The following SCUBE1 variants were observed in gnomAD, a reference collection of about 807,000 sequenced individuals.
SCUBE1 encodes signal peptide, CUB domain and EGF like domain containing 1.
A neutral mutation model predicts 124.4 loss-of-function variants in SCUBE1; 59 were observed. The observed-to-expected ratio is 0.47, with a 90% CI of 0.38 to 0.59. The LOEUF (loss-of-function observed/expected upper bound fraction) is 0.59, where lower values mean the gene tolerates loss of function less well. Among genes scored for constraint, SCUBE1 ranks in the 20% least tolerant of loss-of-function variants. SCUBE1 has a pLI of 0.00. For synonymous variants in SCUBE1, 545 were observed against 550.9 expected (o/e 0.99, Z 0.15); for missense variants, 1,150 against 1,371.2 (o/e 0.84, Z 2.55).
At chr22:43,340,177 G>C (rs1009746385) in intron 1 of SCUBE1, among the ~76,000 whole-genome samples, 3 of 151,570 alleles carry the variant, frequency 2.0e-5, no homozygotes, top group African/African-American at 7.3e-5. Context: ...TGGCTTCCAC[G>C]CCCCCACACC....
rs146662047 is a variant in SCUBE1, at chr22:43,223,119, C to T, written c.1305G>A (p.Pro435=). The change falls in exon 11 of 22, where the codon CCG becomes CCA. Residue 435 remains proline, a synonymous_variant. Coordinates refer to ENST00000360835, the MANE Select transcript of SCUBE1 (RefSeq NM_173050.5). Reference sequence around the variant, plus strand: ...TACCTGGCACGAAGAGTGTGTGAGCCGGGCAGGAAAGGAAGCAGCTCTCCA... The same window carrying T: ...TACCTGGCACGAAGAGTGTGTGAGCTGGGCAGGAAAGGAAGCAGCTCTCCA... ...GGVESCFLSC[P]AHTLFVPDSE... The T allele has an allele frequency of 8.4e-6, 13 of 1,549,108 alleles. No individual in the cohort carries two copies. The highest frequency in any genetic ancestry group is 3.4e-4 in the Middle Eastern group (2 of 5,878).
chr22:43,241,314 G>A (rs1257504878), intron 6 of SCUBE1, among the ~76,000 whole-genome samples: 1 of 151,998 alleles, frequency 6.6e-6, no homozygotes, highest in Non-Finnish European at 1.5e-5. Context: ...GGTCACCACG[G>A]GCTGGGCCCT....
rs755611702 is a variant in SCUBE1 at position 43,218,409 on chromosome 22, C to T, written c.1737G>A (p.Gln579=). ...CLRKRAEQSL[Q]AAIKTLRKSI... ...ACTTGCGCAGGGTCTTGATGGCGGC[C>T]TGCAGGCTCTGTTCTGCTCGCTTCC... The change falls in exon 15 of 22, where the codon CAG becomes CAA. Residue 579 remains glutamine, a synonymous_variant. Transcript: ENST00000360835. 13 of 1,613,176 alleles carry T rather than the reference C, an allele frequency of 8.1e-6. No individual in the cohort carries two copies. The highest frequency in any genetic ancestry group is 1.1e-5 in the Non-Finnish European group (13 of 1,180,056).
intron 1 of SCUBE1, 96 bp from the exon 2 acceptor site, chr22:43,339,331 T>A: frequency 8.0e-7 from 1 of 1,257,300 alleles, no homozygotes; most frequent in Non-Finnish European, 1.1e-6. Context: ...CCTTTGCCCG[T>A]CCATTGATCG....
intron 2 of SCUBE1, among the ~76,000 whole-genome samples, chr22:43,330,566 A>T (rs1018730724): frequency 6.6e-6 from 1 of 152,248 alleles, no homozygotes; most frequent in African/African-American, 2.4e-5. Context: ...ACCAAGCTTG[A>T]CACAGAGTAG....
At chr22:43,289,197 C>T (rs1199521511) in intron 4 of SCUBE1, among the ~76,000 whole-genome samples, 1 of 152,228 alleles carries the variant, frequency 6.6e-6, no homozygotes, top group African/African-American at 2.4e-5. Context: ...GAACTCCCCT[C>T]CCTGGATGAA....
chr22:43,207,280 G>C (rs898869820), intron 21 of SCUBE1, among the ~76,000 whole-genome samples: 1 of 152,134 alleles, frequency 6.6e-6, no homozygotes, highest in Non-Finnish European at 1.5e-5. Context: ...TGTGCCTGAG[G>C]CCACATCACC....
intron 6 of SCUBE1, among the ~76,000 whole-genome samples, chr22:43,254,215 T>G (rs1042085491): frequency 6.6e-6 from 1 of 152,248 alleles, no homozygotes; most frequent in African/African-American, 2.4e-5. Context: ...CTGATCTCTC[T>G]GGCCCTTACT....
intron 19 of SCUBE1, 135 bp downstream of exon 19, chr22:43,209,908 A>T: frequency 1.1e-6 from 1 of 898,610 alleles, no homozygotes. Context: ...GTGGACTCTG[A>T]GGGGCTGGTC....
chr22:43,204,607 GT>G (rs1247079909), intron 21 of SCUBE1, among the ~76,000 whole-genome samples: 1 of 151,336 alleles, frequency 6.6e-6, no homozygotes, highest in Non-Finnish European at 1.5e-5. Flanking sequence ...CCCGTAACTG[GT>G]TTTTAAATAG....
chr22:43,263,731 A>T (rs769074289), intron 4 of SCUBE1, among the ~76,000 whole-genome samples: 11 of 152,186 alleles, frequency 7.2e-5, no homozygotes, highest in Non-Finnish European at 1.3e-4. Flanking sequence ...AAACAAACAA[A>T]TGGAAATGAG....
chr22:43,267,588 G>C (rs1429696023), intron 4 of SCUBE1, among the ~76,000 whole-genome samples: 2 of 152,156 alleles, frequency 1.3e-5, no homozygotes, highest in African/African-American at 4.8e-5. Context: ...TGCTGGACAG[G>C]AAGAGACCCC....
chr22:43,323,714 T>C (rs555953803), intron 2 of SCUBE1, among the ~76,000 whole-genome samples: 1 of 152,256 alleles, frequency 6.6e-6, no homozygotes, highest in Admixed American at 6.5e-5. Flanking sequence ...CTCACGCTCA[T>C]GCACACACAC....
Position 43,210,888 on chromosome 22 carries a change from T to TC in SCUBE1, c.2383+33dup, listed in dbSNP as rs34675963. 1 of 1,612,330 alleles carries TC rather than the reference T, an allele frequency of 6.2e-7. No homozygotes were observed. The highest frequency in any genetic ancestry group is 1.7e-5 in the Admixed American group (1 of 59,972). Reference sequence around the variant, plus strand: ...ACAACCTGCCCAGCCCCTCCCGTGTTCCCAGCTTCCCACGGCAGAGCAGCA... The same window carrying TC: ...ACAACCTGCCCAGCCCCTCCCGTGTTCCCCAGCTTCCCACGGCAGAGCAGCA... On this transcript the variant is annotated intron_variant, in intron 18 of 21. Coordinates refer to ENST00000360835, the MANE Select transcript of SCUBE1 (RefSeq NM_173050.5). This position sits in a 1 kb window ranked among gnomAD's most constrained non-coding sequence, Gnocchi z 4.5.
intron 2 of SCUBE1, among the ~76,000 whole-genome samples, chr22:43,329,446 G>A (rs576202198): frequency 6.6e-4 from 101 of 152,370 alleles, no homozygotes; most frequent in African/African-American, 2.3e-3. Flanking sequence ...TGCAAAGGCC[G>A]GAGAGGCCCA....
chr22:43,206,031 C>T (rs1436942526), intron 21 of SCUBE1, among the ~76,000 whole-genome samples: 1 of 144,090 alleles, frequency 6.9e-6, no homozygotes, highest in Non-Finnish European at 1.5e-5. Context: ...CACACCCACT[C>T]ACCACACACT....
At chr22:43,339,732 C>T (rs868324911) in intron 1 of SCUBE1, among the ~76,000 whole-genome samples, 149 of 97,488 alleles carry the variant, frequency 1.5e-3, no homozygotes, top group Non-Finnish European at 2.4e-3. Context: ...CATTCTACCC[C>T]CCACAAGCAT....
In SCUBE1 at chr22:43,308,663, C is replaced by A. The variant is rs550252704; in HGVS notation, c.349+11274G>T. ...CAGCCCAGCGGAGGGAGAGCTGGAGCGCGGCGCCTGCACGGAGCATCTGGG... is the reference window on the plus strand; with the variant it reads ...CAGCCCAGCGGAGGGAGAGCTGGAGAGCGGCGCCTGCACGGAGCATCTGGG... On this transcript the variant is annotated intron_variant, in intron 3 of 21. Transcript: ENST00000360835. 2.6e-4 allele frequency among the ~76,000 whole-genome samples: 39 copies of A among 152,338 alleles called. 1 individual carries two copies. The highest frequency in any genetic ancestry group is 2.1e-3 in the South Asian group (10 of 4,824).
Position 43,204,051 on chromosome 22 carries a change from G to A in SCUBE1, c.2913C>T (p.Ser971=). The change falls in exon 22 of 22, where the codon TCC becomes TCT. Residue 971 remains serine (S), a synonymous_variant. Coordinates refer to ENST00000360835, the MANE Select transcript of SCUBE1 (RefSeq NM_173050.5). ...AQESKEMFPR[S]FIKLLRSKVS... ...CTTTGGAGCGCAGCAGTTTGATGAA[G>A]GACCGTGGGAACATCTCCTTGGATT... 6.2e-7 allele frequency: 1 copy of A among 1,614,182 alleles called. No individual in the cohort carries two copies. The highest frequency in any genetic ancestry group is 8.5e-7 in the Non-Finnish European group (1 of 1,180,024).
Sources: allele counts gnomAD v4.1 joint callset (sites outside exome capture counted in the v4.1 genomes callset), GRCh38; gene constraint gnomAD v4.1.1; non-coding constraint Gnocchi (gnomAD v3.1); transcripts MANE v1.5; gene names NCBI Gene and HGNC (gene_info 2026-07-23, HGNC 2026-07-21).